NEK7: variants seen among roughly 807,000 people sequenced by gnomAD.
NEK7 encodes the protein NIMA related kinase 7, also known as serine/threonine-protein kinase Nek7.
NEK7 carries 18 observed loss-of-function variants against 44.6 expected under a neutral mutation model. That is an observed-to-expected ratio of 0.40 (90% CI 0.28 to 0.60). The LOEUF (loss-of-function observed/expected upper bound fraction) is 0.60. NEK7 is among the 20% of genes least tolerant of loss of function. NEK7 has a pLI of 0.38. For synonymous variants in NEK7, 130 were observed against 121.1 expected (o/e 1.07, Z -0.48); for missense variants, 256 against 366.5 (o/e 0.70, Z 2.46).
chr1:198,182,797 CTG>C (rs964642279), intron 1 of NEK7, among the ~76,000 whole-genome samples: 14 of 152,000 alleles, frequency 9.2e-5, no homozygotes, highest in African/African-American at 2.7e-4. Flanking sequence ...GGAAAAAAAA[CTG>C]TGTTGGATAT....
At chr1:198,240,959 C>G (rs1313549166) in intron 2 of NEK7, among the ~76,000 whole-genome samples, 2 of 152,218 alleles carry the variant, frequency 1.3e-5, no homozygotes, top group Non-Finnish European at 2.9e-5. Flanking sequence ...TCCCAAAGCA[C>G]TGGGATTACA....
At chr1:198,256,212 T>C in intron 3 of NEK7, 1 of 1,223,574 alleles carries the variant, frequency 8.2e-7, no homozygotes, top group Non-Finnish European at 1.1e-6. Context: ...TGAGATACCA[T>C]CCAGAATCCT....
rs550081855 is a variant in NEK7, at chr1:198,309,737, T to A, written c.799-9675T>A. ...CGATAGTTTACTGAGAATGATGATT[T>A]CCAATTTCATCCATATCCCTACAAA... On this transcript the variant is annotated intron_variant, in intron 9 of 9. Coordinates refer to ENST00000367385, the MANE Select transcript of NEK7 (RefSeq NM_133494.3). Among the ~76,000 whole-genome samples the A allele has an allele frequency of 3.5e-3, 533 of 152,256 alleles. 2 individuals carry two copies. The highest frequency in any genetic ancestry group is 0.012 in the African/African-American group (490 of 41,550).
intron 2 of NEK7, among the ~76,000 whole-genome samples, chr1:198,248,528 A>G (rs1666897948): frequency 1.3e-5 from 2 of 152,202 alleles, no homozygotes; most frequent in African/African-American, 4.8e-5. Flanking sequence ...CAGAAAGCAT[A>G]TCTCATTCAT....
Position 198,317,882 on chromosome 1 carries a change from T to TTA in NEK7, c.799-1529_799-1528insAT, listed in dbSNP as rs1553258427. Reference sequence around the variant, plus strand: ...GTGTATTACTGGATATATTTATTTTTTTTTTTTTTTTTTTTTTTGGTAACC... The same window carrying TTA: ...GTGTATTACTGGATATATTTATTTTTTATTTTTTTTTTTTTTTTTTGGTAACC... On this transcript the variant is annotated intron_variant, in intron 9 of 9. Coordinates refer to ENST00000367385, the MANE Select transcript of NEK7 (RefSeq NM_133494.3). 3.8e-3 allele frequency among the ~76,000 whole-genome samples: 514 copies of TTA among 133,912 alleles called. 1 individual carries two copies. Among genetic ancestry groups the TTA allele is most frequent in the Admixed American group, 5.8e-3 (78 of 13,500 alleles). 87.9% of individuals were successfully genotyped at this position (133,912 alleles called of 152,430 possible). A position where few individuals can be genotyped will look rare whatever the true frequency, so the allele number is the denominator to read the frequency against.
At chr1:198,306,603 A>G (rs1305002777) in intron 9 of NEK7, among the ~76,000 whole-genome samples, 1 of 152,190 alleles carries the variant, frequency 6.6e-6, no homozygotes, top group Non-Finnish European at 1.5e-5. Flanking sequence ...AAGTGGTATT[A>G]TAATTTTGTA....
At chr1:198,233,128 G>C (rs1180882618) in intron 2 of NEK7, among the ~76,000 whole-genome samples, 2 of 151,458 alleles carry the variant, frequency 1.3e-5, no homozygotes, top group Admixed American at 1.3e-4. Context: ...CCTAAGCTTG[G>C]GAGTGCCAGT....
intron 5 of NEK7, among the ~76,000 whole-genome samples, chr1:198,269,608 A>C (rs1558087751): frequency 6.6e-6 from 1 of 152,092 alleles, no homozygotes. Flanking sequence ...CATCATAACA[A>C]TATATTTCAT....
At chr1:198,252,596 T>C (rs1653089931) in intron 2 of NEK7, among the ~76,000 whole-genome samples, 1 of 138,808 alleles carries the variant, frequency 7.2e-6, no homozygotes, top group Admixed American at 7.3e-5. Flanking sequence ...CATATATATG[T>C]ATGTTTATAT....
At chr1:198,159,302 A>AAAGG (rs575843937) in intron 1 of NEK7, among the ~76,000 whole-genome samples, 88 of 152,006 alleles carry the variant, frequency 5.8e-4, no homozygotes, top group African/African-American at 1.2e-3. Context: ...AGAAAGAAAG[A>AAAGG]AAGGAAGGAA....
chr1:198,275,305 A>G (rs1014538350), intron 5 of NEK7, among the ~76,000 whole-genome samples: 3 of 151,386 alleles, frequency 2.0e-5, no homozygotes, highest in East Asian at 3.9e-4. Flanking sequence ...ATTTTCAACT[A>G]TAAAAAAGTT....
chr1:198,304,059 A>T (rs957708901), intron 9 of NEK7, among the ~76,000 whole-genome samples: 1 of 152,092 alleles, frequency 6.6e-6, no homozygotes, highest in Non-Finnish European at 1.5e-5. Flanking sequence ...TGAATGTTCT[A>T]TTTTTGTTTA....
chr1:198,225,144 A>G (rs1666177911), intron 1 of NEK7, among the ~76,000 whole-genome samples: 1 of 151,946 alleles, frequency 6.6e-6, no homozygotes, highest in Non-Finnish European at 1.5e-5. Context: ...GGAGTACAAG[A>G]CTAGCCTGGA....
chr1:198,274,534 A>G (rs1377180051), intron 5 of NEK7, among the ~76,000 whole-genome samples: 1 of 151,728 alleles, frequency 6.6e-6, no homozygotes, highest in African/African-American at 2.4e-5. Context: ...TTGATATGCC[A>G]CAGAGAATAG....
intron 9 of NEK7, among the ~76,000 whole-genome samples, chr1:198,298,960 G>A (rs1445632768): frequency 6.6e-6 from 1 of 152,186 alleles, no homozygotes; most frequent in South Asian, 2.1e-4. Context: ...TTGGATATGC[G>A]GATTCTCAGC....
At chr1:198,302,541 T>G (rs6659493) in intron 9 of NEK7, among the ~76,000 whole-genome samples, 23,201 of 152,128 alleles carry the variant, frequency 0.15, 2,039 homozygotes, top group East Asian at 0.43. Flanking sequence ...TTCTGGAGTA[T>G]TTAAAATGAA....
intron 1 of NEK7, among the ~76,000 whole-genome samples, chr1:198,192,608 A>C (rs1665112753): frequency 6.6e-6 from 1 of 152,136 alleles, no homozygotes; most frequent in East Asian, 1.9e-4. Context: ...AAATCATAAT[A>C]AACAGTCTCT....
chr1:198,240,513 A>G (rs1000120437), intron 2 of NEK7, among the ~76,000 whole-genome samples: 1 of 151,990 alleles, frequency 6.6e-6, no homozygotes. Context: ...AAAAAAAAAA[A>G]AGAAATATGC....
chr1:198,279,210 T>TAAGAGG (rs57129092), intron 7 of NEK7, 149 bp downstream of exon 7: 75,703 of 515,830 alleles, frequency 0.15, 8,750 homozygotes, highest in East Asian at 0.49. Flanking sequence ...CAACTCTCTA[T>TAAGAGG]TAGGTATAAG....
Sources: gnomAD v4.1 joint callset for allele counts (sites outside exome capture counted in the v4.1 genomes callset) on GRCh38, gnomAD v4.1.1 for gene constraint, MANE v1.5 for transcripts, NCBI Gene and HGNC (gene_info 2026-07-23, HGNC 2026-07-21) for gene names.